Variants in EXOC3L2 observed in about 807,000 individuals in gnomAD.
The protein encoded by EXOC3L2 is exocyst complex component 3-like protein 2.
Under a neutral mutation model 44.4 loss-of-function variants are expected in EXOC3L2, and 17 were observed. The ratio of observed to expected loss-of-function variants is 0.38; its 90% CI spans 0.26 to 0.57. EXOC3L2 has a LOEUF of 0.57. EXOC3L2 is among the 20% of genes least tolerant of loss of function. The pLI is 0.65. For missense variants in EXOC3L2, 541 were observed against 588.4 expected, an observed-to-expected ratio of 0.92 and a Z score of 0.83; for synonymous variants, 256 against 253.7, an observed-to-expected ratio of 1.01 and a Z score of -0.09.
Position 45,229,323 on chromosome 19 carries a change from A to C in EXOC3L2, c.1270-1057T>G, listed in dbSNP as rs1970004494. 2.8e-5 allele frequency among the ~76,000 whole-genome samples: 4 copies of C among 145,018 alleles called. No homozygotes were observed. The South Asian group carries it at 8.4e-4, about 30-fold the overall frequency. On this transcript the variant is annotated intron_variant, in intron 4 of 11. Coordinates refer to ENST00000413988, the MANE Select transcript of EXOC3L2 (RefSeq NM_001382422.1). ...ATACATATATTTATGTATTAAATATATACATATATTTATGTATTAAATATA... is the reference window on the plus strand; with the variant it reads ...ATACATATATTTATGTATTAAATATCTACATATATTTATGTATTAAATATA...
chr19:45,218,329 A>G lies in EXOC3L2; in HGVS notation c.1720-10T>C, dbSNP rs1349861646. The G allele has an allele frequency of 6.3e-6, 10 of 1,596,472 alleles. No homozygotes were observed. The highest frequency in any genetic ancestry group is 7.7e-6 in the Non-Finnish European group (9 of 1,170,958). ...GCTTGTTGAAGTGTGGCTGGCAGGGACAGAGTAGGGGGTCACGCTCTCCTC... is the reference window on the plus strand; with the variant it reads ...GCTTGTTGAAGTGTGGCTGGCAGGGGCAGAGTAGGGGGTCACGCTCTCCTC... On this transcript the variant is annotated splice_polypyrimidine_tract_variant and intron_variant, in intron 8 of 11. Transcript: ENST00000413988.
chr19:45,229,287 G>C (rs1396159269), intron 4 of EXOC3L2, among the ~76,000 whole-genome samples: 3 of 118,412 alleles, frequency 2.5e-5, no homozygotes, highest in Non-Finnish European at 5.2e-5. Flanking sequence ...ATATATTTAT[G>C]TATTAAATAT....
chr19:45,213,490 C>T, intron 11 of EXOC3L2, 133 bp from the exon 12 acceptor site: 5 of 1,003,446 alleles, frequency 5.0e-6, no homozygotes, highest in Non-Finnish European at 7.2e-6. Flanking sequence ...TGTGTCCCCT[C>T]CAGAGCCTTC....
intron 1 of EXOC3L2, among the ~76,000 whole-genome samples, chr19:45,240,619 G>A (rs1970123371): frequency 6.6e-6 from 1 of 152,204 alleles, no homozygotes; most frequent in Admixed American, 6.5e-5. Flanking sequence ...CTTAAGGCCA[G>A]GCGTGGTCGC....
intron 8 of EXOC3L2, among the ~76,000 whole-genome samples, chr19:45,220,208 A>T (rs549098691): frequency 1.3e-5 from 2 of 152,066 alleles, no homozygotes; most frequent in African/African-American, 2.4e-5. Context: ...AGGGCTGGGC[A>T]CAGTGGCTCA....
Position 45,213,189 on chromosome 19 carries a change from G to C in EXOC3L2, c.2289C>G (p.Phe763Leu). 6.2e-7 allele frequency: 1 copy of C among 1,607,022 alleles called. No individual in the cohort carries two copies. Among genetic ancestry groups the C allele is most frequent in the Non-Finnish European group, 8.5e-7 (1 of 1,176,510 alleles). Residue 763 changes from phenylalanine (F) to leucine (L), a missense_variant, in exon 12 of 12, where the codon TTC becomes TTG. Phe to Leu is a conservative substitution (Grantham distance 22). Coordinates refer to ENST00000413988, the MANE Select transcript of EXOC3L2 (RefSeq NM_001382422.1). ...FADIPVPRPSFCLSLPLFLGR... is the reference protein window; with the variant it reads ...FADIPVPRPSLCLSLPLFLGR... ...CCAGGAAGAGAGGGAGGCTGAGACA[G>C]AAAGATGGGCGGGGCACAGGGATGT...
At position 45,217,563 on chromosome 19, in the gene EXOC3L2, C is replaced by A; in HGVS notation, c.1963G>T (p.Asp655Tyr). Residue 655 changes from aspartate (D) to tyrosine (Y), a missense_variant, in exon 10 of 12, where the codon GAC becomes TAC. Asp to Tyr is a radical substitution (Grantham distance 160). Coordinates refer to ENST00000413988, the MANE Select transcript of EXOC3L2 (RefSeq NM_001382422.1). The stretch of plus-strand genomic sequence containing the variant: ...AACAGCCTCTGCAGTTGCGCCGCGT[C>A]CTCCCGGAGCCTGCCGGCCACGCGG... ...RSRVAGRLRE[D>Y]AAQLQRLFRR... is the part of the protein sequence containing the mutation. The A allele has an allele frequency of 6.4e-7, 1 of 1,560,884 alleles. No individual in the cohort carries two copies. Among genetic ancestry groups the A allele is most frequent in the South Asian group, 1.2e-5 (1 of 85,810 alleles).
chr19:45,216,352 G>A (rs1962465145), intron 10 of EXOC3L2, among the ~76,000 whole-genome samples, 158 bp from the exon 11 acceptor site: 3 of 152,254 alleles, frequency 2.0e-5, no homozygotes, highest in South Asian at 4.2e-4. Flanking sequence ...GCCGAGGCGG[G>A]TGGATCACTA....
chr19:45,239,508 G>A (rs970075368), intron 1 of EXOC3L2, among the ~76,000 whole-genome samples: 4 of 140,414 alleles, frequency 2.8e-5, no homozygotes, highest in East Asian at 2.2e-4. Context: ...GAGCCACCGC[G>A]CCTTGCCTCT....
chr19:45,233,216 A>AAAATAAATAAATAAAT (rs370700043), intron 3 of EXOC3L2, among the ~76,000 whole-genome samples: 3 of 151,818 alleles, frequency 2.0e-5, no homozygotes, highest in African/African-American at 7.3e-5. Context: ...ACTCCGTCTC[A>AAAATAAATAAATAAAT]AAATAAATAA....
At chr19:45,239,172 G>C (rs1254103865) in intron 1 of EXOC3L2, 111 bp from the exon 2 acceptor site, 2 of 393,170 alleles carry the variant, frequency 5.1e-6, no homozygotes, top group Non-Finnish European at 4.5e-6. Flanking sequence ...ACTTGCCTGA[G>C]CACTTAATAA....
chr19:45,227,979 C>A lies in EXOC3L2; in HGVS notation c.1467G>T (p.Leu489=). ...HCCLGGLAEF[L]QSFQQRVERF... is the part of the protein sequence containing the mutation. ...GTGCTCCCAGGTTCCCCTACCTCTG[C>A]AGGAACTCTGCCAGCCCGCCTAGGC... is the stretch of plus-strand genomic sequence containing the variant. The change falls in exon 6 of 12, where the codon CTG becomes CTT. Residue 489 remains leucine, a synonymous_variant. Transcript: ENST00000413988. The A allele has an allele frequency of 6.2e-7, 1 of 1,613,558 alleles. No homozygotes were observed. The highest frequency in any genetic ancestry group is 2.2e-5 in the East Asian group (1 of 44,884).
rs1769702636 is a variant in EXOC3L2 at position 45,232,023 on chromosome 19, G to A, written c.1158-149C>T. 3 of 462,636 alleles carry A rather than the reference G, an allele frequency of 6.5e-6. No individual in the cohort carries two copies. The South Asian group carries it at 1.6e-4, about 25-fold the overall frequency. The allele number at this position is 462,636 out of a possible 1,614,324, so 28.7% of individuals were successfully genotyped here. On this transcript the variant is annotated intron_variant, in intron 3 of 11. Coordinates refer to ENST00000413988, the MANE Select transcript of EXOC3L2 (RefSeq NM_001382422.1). ...CATCTCTGCTCATCCCTCAGAGGAA[G>A]TCTTTGGAATTGTTGCTTCCCCGGC...
chr19:45,224,955 C>G (rs1468267744), intron 7 of EXOC3L2, 42 bp from the exon 8 acceptor site: 1 of 1,490,228 alleles, frequency 6.7e-7, no homozygotes, highest in Non-Finnish European at 9.0e-7. Context: ...ACCCCAACAT[C>G]TCAGCCCAAC....
At chr19:45,216,664 A>G (rs1380215157) in intron 10 of EXOC3L2, 1 of 153,114 alleles carries the variant, frequency 6.5e-6, no homozygotes, top group African/African-American at 2.4e-5. Context: ...CCATAATATA[A>G]TCTCCTCCCA....
chr19:45,223,379 G>A (rs1327091226), intron 8 of EXOC3L2, among the ~76,000 whole-genome samples: 1 of 152,014 alleles, frequency 6.6e-6, no homozygotes, highest in Admixed American at 6.6e-5. Context: ...GTCTCGCTCT[G>A]TCACCCAGGC....
chr19:45,233,982 T>C lies in EXOC3L2; in HGVS notation c.1157+211A>G, dbSNP rs1037272949. Among the ~76,000 whole-genome samples the C allele has an allele frequency of 4.6e-5, 7 of 152,166 alleles. No homozygotes were observed. In the South Asian group the frequency reaches 1.0e-3, roughly 22 times the overall value. The stretch of plus-strand genomic sequence containing the variant: ...CTTATTCTAGGACTGCAAGCGTCCA[T>C]GGTACTAAGGTGCTGGAACCGGAAG... On this transcript the variant is annotated intron_variant, in intron 3 of 11. Transcript: ENST00000413988.
intron 8 of EXOC3L2, among the ~76,000 whole-genome samples, chr19:45,223,346 T>A (rs183260099): frequency 3.7e-4 from 55 of 150,074 alleles, no homozygotes; most frequent in African/African-American, 1.3e-3. Context: ...GGGGCTTCTG[T>A]TTTTTTGTTT....
At chr19:45,230,833 CTAGAGCTT>C (rs1970023316) in intron 4 of EXOC3L2, among the ~76,000 whole-genome samples, 1 of 152,100 alleles carries the variant, frequency 6.6e-6, no homozygotes, top group Admixed American at 6.6e-5. Context: ...GCTTATACTC[CTAGAGCTT>C]TGGAAGGCTG....
Sources: allele counts gnomAD v4.1 joint callset (sites outside exome capture counted in the v4.1 genomes callset), GRCh38; gene constraint gnomAD v4.1.1; transcripts MANE v1.5; gene names NCBI Gene and HGNC (gene_info 2026-07-23, HGNC 2026-07-21).